The following NRXN1 variants were observed in gnomAD, a reference collection of about 807,000 sequenced individuals.
NRXN1 encodes the protein neurexin 1.
Under a neutral mutation model 150.9 loss-of-function variants are expected in NRXN1, and 39 were observed. The observed-to-expected ratio is 0.26, with a 90% confidence interval of 0.20 to 0.34. The LOEUF (loss-of-function observed/expected upper bound fraction) is 0.34. Ranked by LOEUF, NRXN1 falls within the 10% of genes least tolerant of loss-of-function variation. NRXN1 has a pLI of 1.00. For missense variants in NRXN1, 1,815 were observed against 1,949.9 expected (o/e 0.93, Z 1.30); for synonymous variants, 924 against 757.0 (o/e 1.22, Z -3.62).
chr2:50,833,602 A>G (rs541581738), intron 5 of NRXN1, among the ~76,000 whole-genome samples: 1 of 152,308 alleles, frequency 6.6e-6, no homozygotes, highest in African/African-American at 2.4e-5. Context: ...AGACAAAACT[A>G]TAGTTACAGA....
chr2:50,620,244 G>GA (rs1679766999), intron 7 of NRXN1, 61 bp from the exon 8 acceptor site: 1 of 1,494,054 alleles, frequency 6.7e-7, no homozygotes, highest in African/African-American at 1.4e-5. Context: ...TGTAATCCTG[G>GA]GATATGCCTG....
intron 5 of NRXN1, among the ~76,000 whole-genome samples, chr2:50,654,366 T>C (rs1686095569): frequency 6.6e-6 from 1 of 151,986 alleles, no homozygotes; most frequent in African/African-American, 2.4e-5. Flanking sequence ...AAATCATCAT[T>C]TTTTAGGGCT....
rs140991724 is a variant in NRXN1 at position 49,920,010 on chromosome 2, T to C, written c.*1934A>G. The stretch of plus-strand genomic sequence containing the variant: ...TTTTTTATCGTTCTTTTAGAAGGTA[T>C]TCAAGTAATGCAACCAATTTTTCCT... On this transcript the variant is annotated 3_prime_UTR_variant, in exon 23 of 23. Coordinates refer to ENST00000401669, the MANE Select transcript of NRXN1 (RefSeq NM_001330078.2). 4 of 152,270 alleles carry C rather than the reference T, an allele frequency of 2.6e-5. No individual in the cohort carries two copies. Among genetic ancestry groups the C allele is most frequent in the African/African-American group, 7.2e-5 (3 of 41,574 alleles). 9.4% of individuals were successfully genotyped at this position (152,270 alleles called of 1,614,324 possible).
chr2:50,790,730 C>T (rs1705820890), intron 5 of NRXN1, among the ~76,000 whole-genome samples: 1 of 152,044 alleles, frequency 6.6e-6, no homozygotes, highest in Non-Finnish European at 1.5e-5. Flanking sequence ...AGAATATTTG[C>T]CTATACATAA....
intron 17 of NRXN1, among the ~76,000 whole-genome samples, chr2:50,420,834 C>T (rs1389199627): frequency 6.6e-6 from 1 of 151,824 alleles, no homozygotes; most frequent in African/African-American, 2.4e-5. Flanking sequence ...TAATTTACCA[C>T]CCAGGAAAGG....
At chr2:50,248,924 AT>A (rs2066767608) in intron 17 of NRXN1, among the ~76,000 whole-genome samples, 2 of 151,380 alleles carry the variant, frequency 1.3e-5, no homozygotes, top group Admixed American at 1.3e-4. Flanking sequence ...AGGCAGAAGG[AT>A]TCCTTGAGGC....
At chr2:50,873,287 C>A (rs961121799) in intron 5 of NRXN1, among the ~76,000 whole-genome samples, 4 of 151,740 alleles carry the variant, frequency 2.6e-5, no homozygotes, top group African/African-American at 9.7e-5. Flanking sequence ...AAAAGCAATA[C>A]CCCTGTAATA....
intron 17 of NRXN1, among the ~76,000 whole-genome samples, chr2:50,381,708 A>G (rs2080985644): frequency 6.6e-6 from 1 of 152,108 alleles, no homozygotes; most frequent in Non-Finnish European, 1.5e-5. Flanking sequence ...CATTACTTTC[A>G]ATGGCAAAAA....
chr2:50,146,305 T>G (rs1707999008), intron 18 of NRXN1, among the ~76,000 whole-genome samples: 1 of 151,734 alleles, frequency 6.6e-6, no homozygotes, highest in African/African-American at 2.4e-5. Context: ...AAATACCATT[T>G]GACCCAGCAA....
chr2:49,983,503 T>G (rs1398618067), intron 21 of NRXN1, among the ~76,000 whole-genome samples: 2 of 152,152 alleles, frequency 1.3e-5, no homozygotes, highest in Non-Finnish European at 2.9e-5. Context: ...TTTATATATT[T>G]TGTAGGTCTA....
chr2:50,286,531 C>T (rs2072202608), intron 17 of NRXN1, among the ~76,000 whole-genome samples: 1 of 151,988 alleles, frequency 6.6e-6, no homozygotes, highest in African/African-American at 2.4e-5. Context: ...TTCATTCATC[C>T]ATTGACAGGT....
chr2:50,368,576 G>C (rs923635776), intron 17 of NRXN1, among the ~76,000 whole-genome samples: 1 of 151,860 alleles, frequency 6.6e-6, no homozygotes, highest in Non-Finnish European at 1.5e-5. Flanking sequence ...CATGCCATGT[G>C]CTCATTTTAA....
At chr2:50,937,411 T>C (rs1688709360) in intron 2 of NRXN1, among the ~76,000 whole-genome samples, 1 of 152,090 alleles carries the variant, frequency 6.6e-6, no homozygotes, top group Non-Finnish European at 1.5e-5. Flanking sequence ...AAACTATCAG[T>C]AGCATGGGAA....
intron 19 of NRXN1, among the ~76,000 whole-genome samples, chr2:50,058,392 T>C (rs1408503290): frequency 1.3e-5 from 2 of 152,224 alleles, no homozygotes; most frequent in African/African-American, 4.8e-5. Context: ...GCCTACTAAT[T>C]CAGTGAGCAC....
chr2:50,450,052 T>C (rs1429117487), intron 17 of NRXN1, among the ~76,000 whole-genome samples: 1 of 152,186 alleles, frequency 6.6e-6, no homozygotes, highest in Non-Finnish European at 1.5e-5. Flanking sequence ...TGAAGCCTCA[T>C]CTGTTTACTT....
At chr2:50,955,090 A>T (rs1331783587) in intron 2 of NRXN1, among the ~76,000 whole-genome samples, 2 of 152,084 alleles carry the variant, frequency 1.3e-5, no homozygotes, top group Non-Finnish European at 2.9e-5. Context: ...TCTATCTCTC[A>T]CACACACACG....
intron 17 of NRXN1, among the ~76,000 whole-genome samples, chr2:50,358,121 G>C (rs1282838376): frequency 6.6e-6 from 1 of 152,128 alleles, no homozygotes; most frequent in Non-Finnish European, 1.5e-5. Context: ...TACACCACAA[G>C]GGACCTGGGT....
At chr2:50,226,980 T>C (rs914783652) in intron 18 of NRXN1, among the ~76,000 whole-genome samples, 7 of 152,004 alleles carry the variant, frequency 4.6e-5, no homozygotes, top group Admixed American at 6.6e-5. Context: ...TGCTGGGCTC[T>C]AGGAATACTA....
rs2085399205 is a variant in NRXN1 at position 50,436,097 on chromosome 2, TAG to T, written c.3364+29343_3364+29344del. Among the ~76,000 whole-genome samples the T allele has an allele frequency of 2.0e-5, 3 of 152,324 alleles. No homozygotes were observed. In the South Asian group the frequency reaches 6.2e-4, roughly 32 times the overall value. On this transcript the variant is annotated intron_variant, in intron 17 of 22. Transcript: ENST00000401669. ...AAAAGAAAATTTTGAAAAAGAAGTC[TAG>T]ATTACAATTTAATCTATTGTTCTTC...
Sources: gnomAD v4.1 joint callset for allele counts (sites outside exome capture counted in the v4.1 genomes callset) on GRCh38, gnomAD v4.1.1 for gene constraint, MANE v1.5 for transcripts, NCBI Gene and HGNC (gene_info 2026-07-23, HGNC 2026-07-21) for gene names.